Variants in LRMDA observed in about 807,000 individuals in gnomAD.
LRMDA encodes leucine-rich melanocyte differentiation-associated protein.
LRMDA carries 18 observed loss-of-function variants against 29.8 expected under a neutral mutation model. The observed-to-expected ratio is 0.60, with a 90% confidence interval of 0.42 to 0.90. LRMDA has a LOEUF of 0.90. LRMDA is among the 40% of genes least tolerant of loss of function. LRMDA has a pLI of 0.00. For synonymous variants in LRMDA, 125 were observed against 109.4 expected, an observed-to-expected ratio of 1.14 and a Z score of -0.89; for missense variants, 273 against 273.9, an observed-to-expected ratio of 1.00 and a Z score of 0.02.
In LRMDA at chr10:75,717,292, C is replaced by G. The variant is rs548020965; in HGVS notation, c.131+278798C>G. ...AGGCATTGTAAATCTGCAGTCATAC[C>G]TGAGGACTCAGTGACTCATGGTTGA... On this transcript the variant is annotated intron_variant, in intron 2 of 6. Transcript: ENST00000611255. Among the ~76,000 whole-genome samples, 8 of 152,322 alleles carry G rather than the reference C, an allele frequency of 5.3e-5. No individual in the cohort carries two copies. In the South Asian group the frequency reaches 1.2e-3, roughly 24 times the overall value.
At position 76,493,885 on chromosome 10, in the gene LRMDA, T is replaced by G. The variant is rs78435908; in HGVS notation, c.602-63324T>G. Among the ~76,000 whole-genome samples, 784 of 152,180 alleles carry G rather than the reference T, an allele frequency of 5.2e-3. 10 individuals are homozygous for G. The highest frequency in any genetic ancestry group is 0.018 in the African/African-American group (756 of 41,574). On this transcript the variant is annotated intron_variant, in intron 6 of 6. Transcript: ENST00000611255. ...ATTATATTTCTCTTGTTTTTAGATT[T>G]ATTTCTCTCAGCAACATCTTATAGC...
At chr10:75,666,091 T>A (rs1841818224) in intron 2 of LRMDA, among the ~76,000 whole-genome samples, 1 of 152,156 alleles carries the variant, frequency 6.6e-6, no homozygotes, top group Non-Finnish European at 1.5e-5. Context: ...TTTAAAAAAA[T>A]TTGACCCTTT....
chr10:75,506,485 T>G (rs1040373730), intron 2 of LRMDA, among the ~76,000 whole-genome samples: 1 of 25,412 alleles, frequency 3.9e-5, no homozygotes, highest in Non-Finnish European at 8.2e-5. Context: ...TTTCTGTTGT[T>G]TTTTTTTGGT....
chr10:75,971,396 C>T (rs1224433842), intron 2 of LRMDA, among the ~76,000 whole-genome samples: 1 of 152,136 alleles, frequency 6.6e-6, no homozygotes, highest in African/African-American at 2.4e-5. Flanking sequence ...GGCTAATGGA[C>T]TCAGTTGGGT....
At chr10:75,984,489 G>T (rs968740767) in intron 2 of LRMDA, among the ~76,000 whole-genome samples, 1 of 152,214 alleles carries the variant, frequency 6.6e-6, no homozygotes, top group Non-Finnish European at 1.5e-5. Context: ...GGCTGGTCAC[G>T]GTCCAAGGGA....
At chr10:75,589,351 A>C (rs1840693427) in intron 2 of LRMDA, among the ~76,000 whole-genome samples, 1 of 152,198 alleles carries the variant, frequency 6.6e-6, no homozygotes, top group Non-Finnish European at 1.5e-5. Flanking sequence ...TCTTATTATG[A>C]ATGAGATTAA....
intron 5 of LRMDA, among the ~76,000 whole-genome samples, chr10:76,312,937 A>C (rs188349521): frequency 6.6e-6 from 1 of 152,124 alleles, no homozygotes. Context: ...AAGAGATAAG[A>C]TATTAAACAA....
chr10:75,683,552 T>C (rs1842049151), intron 2 of LRMDA, among the ~76,000 whole-genome samples: 1 of 152,226 alleles, frequency 6.6e-6, no homozygotes, highest in African/African-American at 2.4e-5. Flanking sequence ...ACAGTAATCA[T>C]AGAGAAATAC....
At chr10:75,576,779 C>T (rs1840511174) in intron 2 of LRMDA, among the ~76,000 whole-genome samples, 1 of 152,180 alleles carries the variant, frequency 6.6e-6, no homozygotes, top group Non-Finnish European at 1.5e-5. Context: ...CAAACTCCAG[C>T]ACACTTGCAG....
chr10:75,736,891 G>A (rs193052699), intron 2 of LRMDA, among the ~76,000 whole-genome samples: 1 of 152,230 alleles, frequency 6.6e-6, no homozygotes, highest in African/African-American at 2.4e-5. Flanking sequence ...CCATGCAGAC[G>A]CCAACTGCCA....
intron 2 of LRMDA, among the ~76,000 whole-genome samples, chr10:75,903,539 C>T (rs1027767725): frequency 2.6e-5 from 4 of 152,188 alleles, no homozygotes; most frequent in African/African-American, 9.7e-5. Flanking sequence ...AAAGCCATTC[C>T]CCGCATTTGC....
Position 75,470,963 on chromosome 10 carries a change from A to G in LRMDA, c.131+32469A>G, listed in dbSNP as rs527354011. On this transcript the variant is annotated intron_variant, in intron 2 of 6. Coordinates refer to ENST00000611255, the MANE Select transcript of LRMDA (RefSeq NM_001305581.2). ...GTTGAATCCGCAGCCCTGGCCCAGCACATGTGCTTGGTGCAGAGCTGCTGC... is the reference window on the plus strand; with the variant it reads ...GTTGAATCCGCAGCCCTGGCCCAGCGCATGTGCTTGGTGCAGAGCTGCTGC... Among the ~76,000 whole-genome samples the G allele has an allele frequency of 2.6e-5, 4 of 152,270 alleles. No individual in the cohort carries two copies. In the East Asian group the frequency reaches 7.7e-4, roughly 29 times the overall value.
At chr10:75,884,074 T>C (rs1845338853) in intron 2 of LRMDA, among the ~76,000 whole-genome samples, 1 of 152,074 alleles carries the variant, frequency 6.6e-6, no homozygotes, top group Admixed American at 6.6e-5. Flanking sequence ...TTTCTTTTTT[T>C]AGTAGACATA....
intron 6 of LRMDA, among the ~76,000 whole-genome samples, chr10:76,516,943 T>G (rs1843068009): frequency 6.6e-6 from 1 of 152,182 alleles, no homozygotes; most frequent in Admixed American, 6.5e-5. Context: ...AAACTTTCAG[T>G]ATAAAAATAT....
intron 5 of LRMDA, among the ~76,000 whole-genome samples, chr10:76,074,533 A>G (rs2132072566): frequency 6.6e-6 from 1 of 152,318 alleles, no homozygotes; most frequent in Non-Finnish European, 1.5e-5. Context: ...GACCATTATC[A>G]TCTACAGCTT....
intron 2 of LRMDA, among the ~76,000 whole-genome samples, chr10:75,540,516 C>T (rs1364197068): frequency 6.6e-6 from 1 of 152,166 alleles, no homozygotes; most frequent in African/African-American, 2.4e-5. Context: ...ACAGGCTTTT[C>T]TTATTTCCAC....
chr10:75,566,101 C>T (rs1840368922), intron 2 of LRMDA, among the ~76,000 whole-genome samples: 1 of 152,018 alleles, frequency 6.6e-6, no homozygotes, highest in Non-Finnish European at 1.5e-5. Flanking sequence ...CTGGATTTCC[C>T]CTTAACACAC....
chr10:76,477,156 C>G (rs144170824), intron 6 of LRMDA, among the ~76,000 whole-genome samples: 1 of 151,776 alleles, frequency 6.6e-6, no homozygotes, highest in Admixed American at 6.6e-5. Context: ...AAAACCCCAT[C>G]GTCTCAGCCC....
At chr10:76,119,282 C>G (rs766983183) in intron 5 of LRMDA, among the ~76,000 whole-genome samples, 4 of 151,868 alleles carry the variant, frequency 2.6e-5, no homozygotes, top group South Asian at 2.1e-4. Context: ...TTCAATGGAG[C>G]CAAGGCTCCT....
Sources: allele counts gnomAD v4.1 joint callset (sites outside exome capture counted in the v4.1 genomes callset), GRCh38; gene constraint gnomAD v4.1.1; transcripts MANE v1.5; gene names NCBI Gene and HGNC (gene_info 2026-07-23, HGNC 2026-07-21).